SUGCT: variants seen among roughly 807,000 people sequenced by gnomAD.
SUGCT encodes succinyl-CoA:glutarate-CoA transferase.
In SUGCT, 41 loss-of-function variants were observed where a neutral mutation model predicts 55.0. The observed-to-expected ratio is 0.74, with a 90% CI of 0.58 to 0.97. The LOEUF is 0.97. Ranked by LOEUF, SUGCT falls within the 50% of genes least tolerant of loss-of-function variation. SUGCT has a pLI of 0.00. For missense variants in SUGCT, 568 were observed against 547.8 expected (o/e 1.04, Z -0.37); for synonymous variants, 187 against 200.4 (o/e 0.93, Z 0.56).
chr7:40,680,847 G>A (rs1391581013), intron 12 of SUGCT, among the ~76,000 whole-genome samples: 2 of 152,150 alleles, frequency 1.3e-5, no homozygotes, highest in African/African-American at 4.8e-5. Context: ...AGTACAGTAG[G>A]TGAGGCTCTA....
At position 40,274,557 on chromosome 7, in the gene SUGCT, C is replaced by T; in HGVS notation, c.621C>T (p.Ala207=). ...CAGGAGTAGCTATGACTGATCTTGC[C>T]ACTGGCCTGTATGCATATGGAGCTA... ...VRPGVAMTDL[A]TGLYAYGAIM... is the part of the protein sequence containing the mutation. The change falls in exon 8 of 14, where the codon GCC becomes GCT. Residue 207 remains alanine, a synonymous_variant. Coordinates refer to ENST00000335693, the MANE Select transcript of SUGCT (RefSeq NM_001193313.2). The T allele has an allele frequency of 6.2e-7, 1 of 1,613,622 alleles. No individual in the cohort carries two copies. The highest frequency in any genetic ancestry group is 1.3e-5 in the African/African-American group (1 of 75,008).
the SUGCT span, among the ~76,000 whole-genome samples, chr7:40,955,172 A>G: frequency 9.4e-3 from 1,425 of 152,314 alleles, 11 homozygotes; most frequent in Admixed American, 0.017. Flanking sequence ...TAATTCTGTG[A>G]AGAAAGTCAA....
chr7:40,682,950 C>T (rs981495467), intron 12 of SUGCT, among the ~76,000 whole-genome samples: 1 of 152,106 alleles, frequency 6.6e-6, no homozygotes, highest in Non-Finnish European at 1.5e-5. Context: ...GAAAAGGTTA[C>T]TTCCATTTTT....
intron 8 of SUGCT, among the ~76,000 whole-genome samples, chr7:40,312,500 T>G (rs1314811497): frequency 6.6e-6 from 1 of 152,088 alleles, no homozygotes; most frequent in Non-Finnish European, 1.5e-5. Context: ...ACCTGATTCA[T>G]TTGGTATGGG....
At chr7:40,830,443 T>C (rs1290398914) in intron 13 of SUGCT, among the ~76,000 whole-genome samples, 1 of 152,148 alleles carries the variant, frequency 6.6e-6, no homozygotes, top group East Asian at 1.9e-4. Flanking sequence ...AATGTCTCAA[T>C]CAGGCCCTAG....
intron 12 of SUGCT, among the ~76,000 whole-genome samples, chr7:40,639,912 T>C (rs1026545202): frequency 2.0e-5 from 3 of 152,198 alleles, no homozygotes; most frequent in Admixed American, 1.3e-4. Context: ...TTTTTATTAT[T>C]TATAGTAATA....
chr7:40,290,618 C>G, intron 8 of SUGCT, among the ~76,000 whole-genome samples: 1 of 152,154 alleles, frequency 6.6e-6, no homozygotes, highest in East Asian at 1.9e-4. Flanking sequence ...GTCTAAAACA[C>G]CAAAAGCAAT....
At chr7:40,440,177 T>A (rs1441422924) in intron 9 of SUGCT, among the ~76,000 whole-genome samples, 5 of 84,954 alleles carry the variant, frequency 5.9e-5, no homozygotes, top group East Asian at 9.4e-4. Context: ...TTTTTTTTTT[T>A]AAGACTGGTT....
intron 13 of SUGCT, among the ~76,000 whole-genome samples, chr7:40,835,263 T>G (rs1330939402): frequency 6.6e-6 from 1 of 152,204 alleles, no homozygotes; most frequent in African/African-American, 2.4e-5. Flanking sequence ...ATTTGGTCTT[T>G]TGTCTCTTTG....
Position 40,177,997 on chromosome 7 carries a change from C to T in SUGCT, c.101-2950C>T, listed in dbSNP as rs188982636. Among the ~76,000 whole-genome samples, 217 of 152,252 alleles carry T rather than the reference C, an allele frequency of 1.4e-3. 2 individuals carry two copies. Among genetic ancestry groups the T allele is most frequent in the African/African-American group, 4.4e-3 (183 of 41,548 alleles). Reference sequence around the variant, plus strand: ...AATTCCTGACCTTAAGTGATAGGTCCGCCTTGGCCTCACAAAGTGCGGGGA... The same window carrying T: ...AATTCCTGACCTTAAGTGATAGGTCTGCCTTGGCCTCACAAAGTGCGGGGA... On this transcript the variant is annotated intron_variant, in intron 1 of 13. Coordinates refer to ENST00000335693, the MANE Select transcript of SUGCT (RefSeq NM_001193313.2).
chr7:40,646,292 T>C (rs1800505953), intron 12 of SUGCT, among the ~76,000 whole-genome samples: 1 of 152,348 alleles, frequency 6.6e-6, no homozygotes, highest in Admixed American at 6.5e-5. Context: ...TATTAGTCTT[T>C]CCACTTCTAC....
chr7:40,756,945 A>G (rs1788282481), intron 13 of SUGCT, among the ~76,000 whole-genome samples: 1 of 152,306 alleles, frequency 6.6e-6, no homozygotes, highest in Admixed American at 6.5e-5. Flanking sequence ...AAAATGAGAG[A>G]AAGTTGGCAG....
chr7:40,199,588 C>A (rs1366155923), intron 6 of SUGCT, among the ~76,000 whole-genome samples: 1 of 152,056 alleles, frequency 6.6e-6, no homozygotes, highest in African/African-American at 2.4e-5. Flanking sequence ...TAAGTTGTAC[C>A]TTCTTTCCCT....
At chr7:40,250,039 G>C (rs375932458) in intron 7 of SUGCT, among the ~76,000 whole-genome samples, 1 of 152,140 alleles carries the variant, frequency 6.6e-6, no homozygotes, top group South Asian at 2.1e-4. Flanking sequence ...AGCCTGCCTC[G>C]GCCTCCCAAA....
chr7:40,930,518 G>A, the SUGCT span, among the ~76,000 whole-genome samples: 1 of 152,146 alleles, frequency 6.6e-6, no homozygotes, highest in Non-Finnish European at 1.5e-5. Context: ...GGGCAGTATG[G>A]CCATTTCCAT....
At chr7:40,950,998 C>G in the SUGCT span, among the ~76,000 whole-genome samples, 1 of 152,074 alleles carries the variant, frequency 6.6e-6, no homozygotes, top group Non-Finnish European at 1.5e-5. Flanking sequence ...AGGATTCCCT[C>G]TTTTCCTACT....
At chr7:40,575,541 C>A (rs73689824) in intron 12 of SUGCT, among the ~76,000 whole-genome samples, 3,289 of 151,864 alleles carry the variant, frequency 0.022, 117 homozygotes, top group African/African-American at 0.072. Context: ...CCCCACCCCA[C>A]ATCTTTTAAT....
At chr7:40,806,119 A>C (rs922127843) in intron 13 of SUGCT, among the ~76,000 whole-genome samples, 1 of 152,188 alleles carries the variant, frequency 6.6e-6, no homozygotes, top group African/African-American at 2.4e-5. Flanking sequence ...AGCTTATAGA[A>C]ATTTCAAATT....
At chr7:40,722,329 C>T (rs1786384330) in intron 12 of SUGCT, among the ~76,000 whole-genome samples, 1 of 152,188 alleles carries the variant, frequency 6.6e-6, no homozygotes, top group Non-Finnish European at 1.5e-5. Flanking sequence ...AGGGGAGTCT[C>T]TTGGCAGAGT....
Sources: allele counts gnomAD v4.1 joint callset (sites outside exome capture counted in the v4.1 genomes callset), GRCh38; gene constraint gnomAD v4.1.1; transcripts MANE v1.5; gene names NCBI Gene and HGNC (gene_info 2026-07-23, HGNC 2026-07-21).